CDKL2: variants seen among roughly 807,000 people sequenced by gnomAD.
CDKL2 encodes cyclin-dependent kinase-like 2.
CDKL2 carries 64 observed loss-of-function variants against 63.9 expected under a neutral mutation model. The ratio of observed to expected loss-of-function variants is 1.00; its 90% CI spans 0.82 to 1.23. The LOEUF (loss-of-function observed/expected upper bound fraction) is 1.23. Among genes scored for constraint, CDKL2 ranks in the 50% most tolerant of loss-of-function variants. The probability of loss-of-function intolerance (pLI) is 0.00; values close to 1 mark genes in which losing one functional copy is unlikely to be tolerated. For synonymous variants in CDKL2, 211 were observed against 229.2 expected (o/e 0.92, Z 0.72); for missense variants, 656 against 668.0 (o/e 0.98, Z 0.20).
At chr4:75,610,784 AAAGTC>A (rs1412650987) in intron 3 of CDKL2, among the ~76,000 whole-genome samples, 1 of 152,200 alleles carries the variant, frequency 6.6e-6, no homozygotes, top group Non-Finnish European at 1.5e-5. Flanking sequence ...TCATTTTCTT[AAAGTC>A]AAGCATCTCA....
intron 10 of CDKL2, among the ~76,000 whole-genome samples, chr4:75,593,242 T>G (rs892807403): frequency 6.6e-6 from 1 of 151,950 alleles, no homozygotes; most frequent in Non-Finnish European, 1.5e-5. Flanking sequence ...GAAAACTATA[T>G]GCAAGTACAA....
intron 12 of CDKL2, among the ~76,000 whole-genome samples, chr4:75,585,940 A>G (rs1404932157): frequency 6.6e-6 from 1 of 152,206 alleles, no homozygotes; most frequent in Non-Finnish European, 1.5e-5. Context: ...CTAATTTCAC[A>G]TTTATAGAAC....
rs1332911240 is a variant in CDKL2 at position 75,592,333 on chromosome 4, T to G, written c.1417-64A>C. On this transcript the variant is annotated intron_variant, in intron 10 of 13. Coordinates refer to ENST00000307465, the MANE Select transcript of CDKL2 (RefSeq NM_001330724.2). Reference sequence around the variant, plus strand: ...TCAAGGTTAGCTAGGCTTTCCTTCTTCTGTAACTCCTATGTTCATATCCTA... The same window carrying G: ...TCAAGGTTAGCTAGGCTTTCCTTCTGCTGTAACTCCTATGTTCATATCCTA... 2.2e-6 allele frequency: 3 copies of G among 1,368,196 alleles called. No homozygotes were observed. The African/African-American group carries it at 4.4e-5, about 20-fold the overall frequency. The allele number at this position is 1,368,196 out of a possible 1,614,324, so 84.8% of individuals were successfully genotyped here.
In CDKL2 at chr4:75,607,355, G is replaced by C. The variant is rs1215770918; in HGVS notation, c.370C>G (p.His124Asp). 1.2e-6 allele frequency: 2 copies of C among 1,611,574 alleles called. No individual in the cohort carries two copies. The highest frequency in any genetic ancestry group is 1.3e-5 in the African/African-American group (1 of 74,822). The change falls in exon 4 of 14, where the codon CAC becomes GAC. Residue 124 changes from histidine (H) to aspartate (D), a missense_variant. His to Asp is a moderately conservative substitution (Grantham distance 81). Coordinates refer to ENST00000307465, the MANE Select transcript of CDKL2 (RefSeq NM_001330724.2). ...ATATTCTCTGGCTTTATATCTCTGTGTATGATCTAGACAAGAAGCAGAGTG... is the reference window on the plus strand; with the variant it reads ...ATATTCTCTGGCTTTATATCTCTGTCTATGATCTAGACAAGAAGCAGAGTG... ...IGFCHSHNII[H>D]RDIKPENILV...
At chr4:75,594,245 C>G (rs1008535623) in intron 10 of CDKL2, among the ~76,000 whole-genome samples, 1 of 151,950 alleles carries the variant, frequency 6.6e-6, no homozygotes, top group East Asian at 1.9e-4. Flanking sequence ...GTCAGGAGTT[C>G]GAAACCAGCC....
chr4:75,601,017 A>G (rs1007346514), intron 6 of CDKL2, among the ~76,000 whole-genome samples: 9 of 152,230 alleles, frequency 5.9e-5, no homozygotes, highest in African/African-American at 2.2e-4. Flanking sequence ...AATTCTAAGG[A>G]CAAACAACTT....
chr4:75,613,611 G>C (rs957138702), intron 3 of CDKL2, among the ~76,000 whole-genome samples: 1 of 152,066 alleles, frequency 6.6e-6, no homozygotes, highest in African/African-American at 2.4e-5. Flanking sequence ...TAGACTACAG[G>C]GTAAGGGTAG....
intron 2 of CDKL2, among the ~76,000 whole-genome samples, chr4:75,624,131 CAAAAA>C (rs35798736): frequency 1.7e-5 from 2 of 118,428 alleles, no homozygotes; most frequent in Admixed American, 8.7e-5. Context: ...AACTCCATCT[CAAAAA>C]AAAAAAAAAA....
intron 12 of CDKL2, among the ~76,000 whole-genome samples, chr4:75,586,346 C>T (rs1371957736): frequency 2.0e-5 from 3 of 151,914 alleles, no homozygotes; most frequent in Non-Finnish European, 2.9e-5. Context: ...CTGCCTCAGC[C>T]TCCCGAGTAG....
In CDKL2 at chr4:75,597,129, G is replaced by A. The variant is rs1305635399; in HGVS notation, c.1128C>T (p.Ser376=). The A allele has an allele frequency of 6.2e-7, 1 of 1,614,074 alleles. No homozygotes were observed. The highest frequency in any genetic ancestry group is 1.7e-5 in the Admixed American group (1 of 60,012). ...AEKGNRASNA[S]CLHDSRTSHN... ...GGCTTGTCCTACTGTCATGGAGACA[G>A]CTGGCATTTGAAGCTCTATTGCCTT... The change falls in exon 9 of 14, where the codon AGC becomes AGT. Residue 376 remains serine (S), a synonymous_variant. Transcript: ENST00000307465.
chr4:75,628,648 A>C (rs1316122678), intron 1 of CDKL2, among the ~76,000 whole-genome samples: 1 of 152,226 alleles, frequency 6.6e-6, no homozygotes, highest in Non-Finnish European at 1.5e-5. Flanking sequence ...AACAAGAAAT[A>C]ATTCTTGCCT....
intron 3 of CDKL2, among the ~76,000 whole-genome samples, chr4:75,609,606 A>T (rs1228976743): frequency 6.8e-6 from 1 of 148,140 alleles, no homozygotes; most frequent in Admixed American, 6.8e-5. Context: ...CATCTCAAAA[A>T]ATATATATAT....
intron 8 of CDKL2, among the ~76,000 whole-genome samples, chr4:75,597,463 G>GACAC (rs143715044): frequency 1.3e-5 from 2 of 150,708 alleles, no homozygotes; most frequent in Non-Finnish European, 3.0e-5. Context: ...AGCTCACTCA[G>GACAC]ACACACACAC....
In CDKL2 at chr4:75,607,220, C is replaced by T; in HGVS notation, c.505G>A (p.Ala169Thr). ...ACATCACCAACCAATAGTTCTGGAG[C>T]TCTGTACCATCGGGTTGCCACATAA... ...TDYVATRWYR[A>T]PELLVGDVKY... Residue 169 changes from alanine to threonine, a missense_variant, in exon 4 of 14, where the codon GCT (alanine) becomes ACT (threonine). Transcript: ENST00000307465. 6.2e-7 allele frequency: 1 copy of T among 1,613,846 alleles called. No individual in the cohort carries two copies. Among genetic ancestry groups the T allele is most frequent in the Non-Finnish European group, 8.5e-7 (1 of 1,179,822 alleles).
chr4:75,596,109 A>G, intron 10 of CDKL2, 138 bp downstream of exon 10: 1 of 517,430 alleles, frequency 1.9e-6, no homozygotes, highest in Non-Finnish European at 3.4e-6. Flanking sequence ...ATGGGTTGGG[A>G]TAATATATGC....
intron 3 of CDKL2, among the ~76,000 whole-genome samples, chr4:75,613,641 C>T (rs536795871): frequency 1.3e-5 from 2 of 152,286 alleles, no homozygotes; most frequent in African/African-American, 4.8e-5. Flanking sequence ...AACATTCACA[C>T]TTTGTAATTA....
chr4:75,594,855 G>T (rs1560576947), intron 10 of CDKL2, among the ~76,000 whole-genome samples: 2 of 152,210 alleles, frequency 1.3e-5, no homozygotes, highest in African/African-American at 4.8e-5. Context: ...GAAAGAGTAG[G>T]TGGAGATGGG....
intron 6 of CDKL2, among the ~76,000 whole-genome samples, chr4:75,603,413 A>G (rs1344220548): frequency 6.6e-6 from 1 of 151,932 alleles, no homozygotes; most frequent in African/African-American, 2.4e-5. Flanking sequence ...AATTAAAATT[A>G]TTAGAGGAAA....
chr4:75,596,744 G>A (rs1374373223), intron 9 of CDKL2, among the ~76,000 whole-genome samples, 191 bp downstream of exon 9: 1 of 152,122 alleles, frequency 6.6e-6, no homozygotes, highest in African/African-American at 2.4e-5. Context: ...TCAGGACTTT[G>A]GTGAATTGTT....
Sources: gnomAD v4.1 joint callset for allele counts (sites outside exome capture counted in the v4.1 genomes callset) on GRCh38, gnomAD v4.1.1 for gene constraint, MANE v1.5 for transcripts, NCBI Gene and HGNC (gene_info 2026-07-23, HGNC 2026-07-21) for gene names.